The following NRP1 variants were observed in gnomAD, a reference collection of about 807,000 sequenced individuals.
NRP1 encodes neuropilin-1.
In NRP1, 35 loss-of-function variants were observed where a neutral mutation model predicts 106.7. The observed-to-expected ratio is 0.33, with a 90% CI of 0.25 to 0.43. The LOEUF (loss-of-function observed/expected upper bound fraction) is 0.43, where lower values mean the gene tolerates loss of function less well. Among genes scored for constraint, NRP1 ranks in the 20% least tolerant of loss-of-function variants. The probability of loss-of-function intolerance (pLI) is 1.00; values close to 1 mark genes in which losing one functional copy is unlikely to be tolerated. For synonymous variants in NRP1, 437 were observed against 417.9 expected (o/e 1.05, Z -0.56); for missense variants, 1,024 against 1,170.4 (o/e 0.87, Z 1.83).
intron 2 of NRP1, among the ~76,000 whole-genome samples, chr10:33,326,604 T>C (rs545727583): frequency 1.9e-4 from 29 of 152,316 alleles, no homozygotes; most frequent in African/African-American, 6.5e-4. Context: ...CACTGGTCTG[T>C]TGATCGACTG....
rs769339447 is a variant in NRP1, at chr10:33,254,145, A to G, written c.864T>C (p.Ser288=). ...ALGMESGEIH[S]DQITASSQYS... Reference sequence around the variant, plus strand: ...ACTGGGAAGAAGCTGTGATCTGGTCAGAATGAATTTCTCCTGATTCCATGC... The same window carrying G: ...ACTGGGAAGAAGCTGTGATCTGGTCGGAATGAATTTCTCCTGATTCCATGC... Residue 288 remains serine, a synonymous_variant, in exon 6 of 17, where the codon TCT becomes TCC. Transcript: ENST00000374867. The G allele has an allele frequency of 8.7e-6, 14 of 1,613,734 alleles. No homozygotes were observed. The highest frequency in any genetic ancestry group is 1.3e-5 in the African/African-American group (1 of 74,922).
At chr10:33,289,221 GC>G (rs1189881658) in intron 2 of NRP1, among the ~76,000 whole-genome samples, 1 of 152,092 alleles carries the variant, frequency 6.6e-6, no homozygotes, top group Non-Finnish European at 1.5e-5. Flanking sequence ...TCAAAGCATG[GC>G]GGGGTGTACT....
intron 8 of NRP1, among the ~76,000 whole-genome samples, chr10:33,219,305 C>A (rs1439047064): frequency 6.6e-6 from 1 of 152,126 alleles, no homozygotes; most frequent in Non-Finnish European, 1.5e-5. Context: ...ATCCATGGTC[C>A]GTCATGCATA....
intron 6 of NRP1, among the ~76,000 whole-genome samples, chr10:33,243,441 AT>A (rs912933955): frequency 1.3e-5 from 2 of 152,194 alleles, no homozygotes; most frequent in Admixed American, 6.5e-5. Flanking sequence ...CCGATCACCC[AT>A]CCCCTGGAGA....
chr10:33,328,184 T>C (rs928056905), intron 2 of NRP1, among the ~76,000 whole-genome samples: 10 of 152,170 alleles, frequency 6.6e-5, no homozygotes, highest in African/African-American at 2.4e-4. Context: ...ATTACAATCA[T>C]CTTTTAATGT....
At chr10:33,238,189 CTT>C (rs1237275438) in intron 6 of NRP1, among the ~76,000 whole-genome samples, 6 of 152,242 alleles carry the variant, frequency 3.9e-5, no homozygotes, top group South Asian at 2.1e-4. Context: ...GTCAGCGAGA[CTT>C]CTCTCTTGAG....
At chr10:33,262,788 T>G (rs1006777313) in intron 4 of NRP1, among the ~76,000 whole-genome samples, 1 of 151,946 alleles carries the variant, frequency 6.6e-6, no homozygotes, top group Non-Finnish European at 1.5e-5. Flanking sequence ...TCTCATCCCT[T>G]GACTCTGCTG....
intron 6 of NRP1, among the ~76,000 whole-genome samples, chr10:33,252,958 G>A (rs540888915): frequency 2.7e-5 from 4 of 150,494 alleles, no homozygotes; most frequent in South Asian, 4.2e-4. Context: ...GACTGAAGCA[G>A]CAATAGATGT....
chr10:33,263,548 T>G lies in NRP1; in HGVS notation c.658+98A>C, dbSNP rs1012685773. The G allele has an allele frequency of 3.6e-6, 3 of 839,186 alleles. No individual in the cohort carries two copies. The Admixed American group carries it at 8.1e-5, about 23-fold the overall frequency. The allele number at this position is 839,186 out of a possible 1,614,324, so 52.0% of individuals were successfully genotyped here. On this transcript the variant is annotated intron_variant, in intron 4 of 16. Coordinates refer to ENST00000374867, the MANE Select transcript of NRP1 (RefSeq NM_003873.7). ...TTTGTTTTCCAGTGTCCTTTTGAGG[T>G]TTTTTTTAATGATTCATGTATCATG... is the stretch of plus-strand genomic sequence containing the variant.
At chr10:33,237,217 T>C (rs1356235871) in intron 6 of NRP1, among the ~76,000 whole-genome samples, 2 of 152,162 alleles carry the variant, frequency 1.3e-5, no homozygotes, top group Non-Finnish European at 2.9e-5. Flanking sequence ...ATTTACTGTA[T>C]GCCAGGATCT....
At chr10:33,333,101 G>A (rs946520091) in intron 1 of NRP1, among the ~76,000 whole-genome samples, 4 of 152,148 alleles carry the variant, frequency 2.6e-5, no homozygotes, top group African/African-American at 9.7e-5. Flanking sequence ...AGTATAGAAA[G>A]ATGCTACCAG....
intron 2 of NRP1, among the ~76,000 whole-genome samples, chr10:33,315,603 C>T (rs891233078): frequency 6.6e-6 from 1 of 152,322 alleles, no homozygotes; most frequent in South Asian, 2.1e-4. Context: ...TCTGTAACTA[C>T]TGTATGATCT....
intron 2 of NRP1, among the ~76,000 whole-genome samples, chr10:33,323,976 C>T (rs2132909342): frequency 6.6e-6 from 1 of 152,284 alleles, no homozygotes; most frequent in Admixed American, 6.5e-5. Context: ...TTGGAAATGC[C>T]ATGCACATGT....
intron 6 of NRP1, among the ~76,000 whole-genome samples, chr10:33,226,705 C>G (rs1464966395): frequency 6.6e-6 from 1 of 152,210 alleles, no homozygotes; most frequent in Non-Finnish European, 1.5e-5. Flanking sequence ...CTGAAGCCTG[C>G]TACCTGGTCT....
chr10:33,330,700 C>T lies in NRP1; in HGVS notation c.248+8G>A. Reference sequence around the variant, plus strand: ...TGTGGTGCCCTGTTCAAAAACATTCCCACTTACTTGCAGTCTCTGTCCTCC... The same window carrying T: ...TGTGGTGCCCTGTTCAAAAACATTCTCACTTACTTGCAGTCTCTGTCCTCC... On this transcript the variant is annotated splice_region_variant and intron_variant, in intron 2 of 16. Transcript: ENST00000374867. 3 of 1,607,168 alleles carry T rather than the reference C, an allele frequency of 1.9e-6. No individual in the cohort carries two copies. Among genetic ancestry groups the T allele is most frequent in the Non-Finnish European group, 2.6e-6 (3 of 1,175,400 alleles).
intron 16 of NRP1, among the ~76,000 whole-genome samples, chr10:33,180,956 A>G (rs1835647701): frequency 6.6e-6 from 1 of 152,228 alleles, no homozygotes; most frequent in Non-Finnish European, 1.5e-5. Context: ...CTTGCTGCTG[A>G]CATGTAAACA....
intron 6 of NRP1, among the ~76,000 whole-genome samples, chr10:33,226,704 G>A (rs1172547441): frequency 6.6e-6 from 1 of 152,160 alleles, no homozygotes; most frequent in Non-Finnish European, 1.5e-5. Flanking sequence ...TCTGAAGCCT[G>A]CTACCTGGTC....
At chr10:33,274,650 G>A (rs2133326329) in intron 2 of NRP1, among the ~76,000 whole-genome samples, 1 of 152,306 alleles carries the variant, frequency 6.6e-6, no homozygotes, top group South Asian at 2.1e-4. Context: ...TAATGGAAAG[G>A]AAGCTAATCC....
rs1342341268 is a variant in NRP1, at chr10:33,277,723, TTAAA to T, written c.249-6871_249-6868del. Among the ~76,000 whole-genome samples the T allele has an allele frequency of 1.5e-4, 23 of 152,378 alleles. No individual in the cohort carries two copies. In the South Asian group the frequency reaches 1.7e-3, roughly 11 times the overall value. Reference sequence around the variant, plus strand: ...ATATAAAATTGCATGCTATGGAATATTAAATAAAGAATAATAATAAAGAATATTG... The same window carrying T: ...ATATAAAATTGCATGCTATGGAATATTAAAGAATAATAATAAAGAATATTG... On this transcript the variant is annotated intron_variant, in intron 2 of 16. Coordinates refer to ENST00000374867, the MANE Select transcript of NRP1 (RefSeq NM_003873.7).
Sources: gnomAD v4.1 joint callset for allele counts (sites outside exome capture counted in the v4.1 genomes callset) on GRCh38, gnomAD v4.1.1 for gene constraint, MANE v1.5 for transcripts, NCBI Gene and HGNC (gene_info 2026-07-23, HGNC 2026-07-21) for gene names.